Variants in SLC28A3 observed in about 807,000 individuals in gnomAD.
The protein encoded by SLC28A3 is solute carrier family 28 member 3.
A neutral mutation model predicts 84.2 loss-of-function variants in SLC28A3; 68 were observed. That is an observed-to-expected ratio of 0.81 (90% confidence interval 0.66 to 0.99). The LOEUF is 0.99. SLC28A3 is among the 50% of genes least tolerant of loss of function. SLC28A3 has a pLI of 0.00. For synonymous variants in SLC28A3, 267 were observed against 303.6 expected, an observed-to-expected ratio of 0.88 and a Z score of 1.25; for missense variants, 712 against 841.5, an observed-to-expected ratio of 0.85 and a Z score of 1.90.
intron 6 of SLC28A3, 85 bp from the exon 7 acceptor site, chr9:84,298,104 T>C: frequency 1.8e-6 from 2 of 1,108,840 alleles, no homozygotes; most frequent in Non-Finnish European, 2.7e-6. Flanking sequence ...ACTATTTCCT[T>C]GAACACACTA....
the SLC28A3 span, among the ~76,000 whole-genome samples, chr9:84,346,521 T>C: frequency 6.6e-6 from 1 of 152,214 alleles, no homozygotes; most frequent in Non-Finnish European, 1.5e-5. Context: ...GATTAACCTT[T>C]GTCTATACAA....
intron 5 of SLC28A3, 120 bp from the exon 6 acceptor site, chr9:84,299,845 T>C: frequency 8.6e-7 from 1 of 1,168,518 alleles, no homozygotes; most frequent in Non-Finnish European, 1.2e-6. Flanking sequence ...CAGGCTGGAG[T>C]AGAATGGAGC....
the SLC28A3 span, among the ~76,000 whole-genome samples, chr9:84,359,260 A>G: frequency 3.3e-5 from 5 of 152,190 alleles, no homozygotes; most frequent in African/African-American, 4.8e-5. Flanking sequence ...GGGCAACTGT[A>G]CCTGACAAAC....
intron 7 of SLC28A3, 135 bp downstream of exon 7, chr9:84,297,771 G>T (rs1825471609): frequency 4.1e-6 from 3 of 733,958 alleles, no homozygotes; most frequent in Non-Finnish European, 6.9e-6. Context: ...AAAACTATTT[G>T]TCTAACCCAT....
At chr9:84,299,286 G>A (rs912109297) in intron 6 of SLC28A3, among the ~76,000 whole-genome samples, 10 of 152,142 alleles carry the variant, frequency 6.6e-5, no homozygotes, top group Non-Finnish European at 1.5e-4. Flanking sequence ...GATCAAAATG[G>A]ATGAGTTTTC....
the SLC28A3 span, among the ~76,000 whole-genome samples, chr9:84,355,318 G>T: frequency 3.3e-5 from 5 of 151,940 alleles, no homozygotes; most frequent in Non-Finnish European, 7.4e-5. Context: ...CATGCCTGTA[G>T]TCCCAGCTAA....
At chr9:84,354,381 G>T in the SLC28A3 span, among the ~76,000 whole-genome samples, 1 of 152,166 alleles carries the variant, frequency 6.6e-6, no homozygotes, top group Non-Finnish European at 1.5e-5. Context: ...CCCCCTGAAA[G>T]GAACCCCACA....
At chr9:84,279,882 C>G in intron 16 of SLC28A3, 93 bp downstream of exon 16, 17 of 1,192,490 alleles carry the variant, frequency 1.4e-5, no homozygotes, top group Non-Finnish European at 1.9e-5. Flanking sequence ...TCTGTGGCAG[C>G]GTGTGCTGCA....
chr9:84,328,261 C>G (rs1045813621), intron 1 of SLC28A3, among the ~76,000 whole-genome samples: 1 of 150,812 alleles, frequency 6.6e-6, no homozygotes, highest in Non-Finnish European at 1.5e-5. Flanking sequence ...ATGGATTATA[C>G]CCTTTAATTA....
chr9:84,328,156 TAC>T lies in SLC28A3; in HGVS notation c.60+12416_60+12417del, dbSNP rs71498096. On this transcript the variant is annotated intron_variant, in intron 1 of 17. Transcript: ENST00000376238. ...AGGAAGTAATAGAGGGGGAAAAGAC[TAC>T]ACACACACACACACACACACACACA... Among the ~76,000 whole-genome samples, 1,176 of 131,934 alleles carry T rather than the reference TAC, an allele frequency of 8.9e-3. 9 individuals are homozygous for T. The highest frequency in any genetic ancestry group is 0.019 in the Middle Eastern group (5 of 260). The allele number at this position is 131,934 out of a possible 152,430, so 86.6% of individuals were successfully genotyped here. A position where few individuals can be genotyped will look rare whatever the true frequency, so the allele number is the denominator to read the frequency against.
rs577106670 is a variant in SLC28A3, at chr9:84,286,651, G to T, written c.1281-540C>A. Among the ~76,000 whole-genome samples, 3 of 152,140 alleles carry T rather than the reference G, an allele frequency of 2.0e-5. No homozygotes were observed. In the South Asian group the frequency reaches 6.2e-4, roughly 32 times the overall value. ...AGTTTAAAAATTATTTTTATTACAA[G>T]TAGCTGCCAGAGAATAGTTATAAAA... is the stretch of plus-strand genomic sequence containing the variant. On this transcript the variant is annotated intron_variant, in intron 12 of 17. Transcript: ENST00000376238.
At chr9:84,287,021 T>C (rs1357600956) in intron 12 of SLC28A3, among the ~76,000 whole-genome samples, 1 of 152,008 alleles carries the variant, frequency 6.6e-6, no homozygotes, top group African/African-American at 2.4e-5. Flanking sequence ...CTGGACAACA[T>C]GGTGAAATAC....
the SLC28A3 span, among the ~76,000 whole-genome samples, chr9:84,367,165 A>G: frequency 6.6e-6 from 1 of 152,040 alleles, no homozygotes; most frequent in Admixed American, 6.6e-5. Context: ...CCACCACCGC[A>G]GGCCACGGGG....
At position 84,337,639 on chromosome 9, in the gene SLC28A3, C is replaced by T. The variant is rs182223113; in HGVS notation, c.60+2935G>A. 6.4e-4 allele frequency among the ~76,000 whole-genome samples: 97 copies of T among 152,166 alleles called. 1 individual carries two copies. Among genetic ancestry groups the T allele is most frequent in the South Asian group, 2.1e-4 (1 of 4,824 alleles). On this transcript the variant is annotated intron_variant, in intron 1 of 17. Coordinates refer to ENST00000376238, the MANE Select transcript of SLC28A3 (RefSeq NM_001199633.2). ...GAAATCCTTAGATATTCCACATACA[C>T]GCAATACTTTAAATGCCAATCCGAA...
At chr9:84,366,065 A>G in the SLC28A3 span, among the ~76,000 whole-genome samples, 1 of 151,952 alleles carries the variant, frequency 6.6e-6, no homozygotes, top group Non-Finnish European at 1.5e-5. Context: ...CAAAAAAACA[A>G]AAAAAAGATT....
chr9:84,308,177 G>A (rs1156486155), intron 3 of SLC28A3, among the ~76,000 whole-genome samples: 3 of 152,120 alleles, frequency 2.0e-5, no homozygotes, highest in East Asian at 1.9e-4. Context: ...GGAGGTCGAG[G>A]CTGCAGTGAG....
At chr9:84,314,157 G>GTT (rs142430344) in intron 1 of SLC28A3, among the ~76,000 whole-genome samples, 2 of 151,778 alleles carry the variant, frequency 1.3e-5, no homozygotes, top group Admixed American at 1.3e-4. Context: ...GTTGAAATGG[G>GTT]TTTTTTTTGG....
intron 6 of SLC28A3, 59 bp downstream of exon 6, chr9:84,299,522 G>A (rs1294319550): frequency 5.6e-6 from 9 of 1,593,286 alleles, no homozygotes; most frequent in Non-Finnish European, 7.7e-6. Flanking sequence ...AGTATTTTGA[G>A]CAATTTACAC....
At position 84,294,283 on chromosome 9, in the gene SLC28A3, G is replaced by A. The variant is rs778086326; in HGVS notation, c.862-8C>T. On this transcript the variant is annotated splice_polypyrimidine_tract_variant and splice_region_variant and intron_variant, in intron 8 of 17. Transcript: ENST00000376238. Reference sequence around the variant, plus strand: ...AACCACGATCGGCAGGACCTGTGGGGACAGAAACAAACATGGATTAATGAT... The same window carrying A: ...AACCACGATCGGCAGGACCTGTGGGAACAGAAACAAACATGGATTAATGAT... The A allele has an allele frequency of 1.2e-6, 2 of 1,613,918 alleles. No individual in the cohort carries two copies. The highest frequency in any genetic ancestry group is 1.7e-6 in the Non-Finnish European group (2 of 1,179,910).
Sources: gnomAD v4.1 joint callset for allele counts (sites outside exome capture counted in the v4.1 genomes callset) on GRCh38, gnomAD v4.1.1 for gene constraint, MANE v1.5 for transcripts, NCBI Gene and HGNC (gene_info 2026-07-23, HGNC 2026-07-21) for gene names.